Variants in CHRM3 observed in about 807,000 individuals in gnomAD.
CHRM3 encodes cholinergic receptor muscarinic 3.
A neutral mutation model predicts 41.8 loss-of-function variants in CHRM3; 11 were observed. That is an observed-to-expected ratio of 0.26 (90% CI 0.17 to 0.44). The LOEUF is 0.44. Ranked by LOEUF, CHRM3 falls within the 20% of genes least tolerant of loss-of-function variation. The pLI is 1.00. For synonymous variants in CHRM3, 297 were observed against 301.4 expected, an observed-to-expected ratio of 0.99 and a Z score of 0.15; for missense variants, 571 against 745.4, an observed-to-expected ratio of 0.77 and a Z score of 2.72.
At chr1:239,550,717 A>G (rs931430082) in intron 3 of CHRM3, among the ~76,000 whole-genome samples, 2 of 152,186 alleles carry the variant, frequency 1.3e-5, no homozygotes, top group Admixed American at 1.3e-4. Context: ...GAAAATGTGT[A>G]TCTGACTCTA....
At chr1:239,871,618 G>A (rs1041965840) in intron 6 of CHRM3, among the ~76,000 whole-genome samples, 13 of 152,178 alleles carry the variant, frequency 8.5e-5, no homozygotes, top group Admixed American at 4.6e-4. Context: ...AACACATGAT[G>A]AGTGACCTGT....
intron 1 of CHRM3, among the ~76,000 whole-genome samples, chr1:239,476,865 A>T (rs1200487864): frequency 6.6e-6 from 1 of 152,322 alleles, no homozygotes; most frequent in Non-Finnish European, 1.5e-5. Flanking sequence ...GTTAGGTGAC[A>T]AAATAATAAA....
chr1:239,852,421 A>C (rs1674770611), intron 6 of CHRM3, among the ~76,000 whole-genome samples: 1 of 152,126 alleles, frequency 6.6e-6, no homozygotes, highest in Non-Finnish European at 1.5e-5. Context: ...ATGCTTGTGC[A>C]TGTGTAATAA....
chr1:239,704,971 C>T (rs1387514704), intron 5 of CHRM3: 4 of 152,356 alleles, frequency 2.6e-5, no homozygotes, highest in African/African-American at 9.6e-5. Context: ...GAGGCCAAGA[C>T]AGGAGGATGA....
chr1:239,564,785 T>G (rs763783346), intron 3 of CHRM3, among the ~76,000 whole-genome samples: 18 of 152,208 alleles, frequency 1.2e-4, no homozygotes, highest in Non-Finnish European at 1.5e-4. Context: ...AAGATTCTCC[T>G]TGATCCTAAA....
In CHRM3 at chr1:239,641,206, C is replaced by A. The variant is rs557481256; in HGVS notation, c.-250+8920C>A. On this transcript the variant is annotated intron_variant, in intron 4 of 6. Coordinates refer to ENST00000676153, the MANE Select transcript of CHRM3 (RefSeq NM_001375978.1). ...CCAACTATGTGGTCAATTTTGGAAT[C>A]GGTGTGGTGCGGTGCTGAAAAAAAT... is the stretch of plus-strand genomic sequence containing the variant. 5.8e-3 allele frequency among the ~76,000 whole-genome samples: 885 copies of A among 152,088 alleles called. 6 individuals are homozygous for A. Among genetic ancestry groups the A allele is most frequent in the African/African-American group, 0.02 (836 of 41,442 alleles).
At chr1:239,489,383 A>G (rs1196747971) in intron 1 of CHRM3, among the ~76,000 whole-genome samples, 1 of 152,048 alleles carries the variant, frequency 6.6e-6, no homozygotes, top group Admixed American at 6.6e-5. Flanking sequence ...ATTGCACTCC[A>G]GCCTGGGCAA....
chr1:239,854,273 G>C (rs562705365), intron 6 of CHRM3, among the ~76,000 whole-genome samples: 61 of 152,144 alleles, frequency 4.0e-4, no homozygotes, highest in African/African-American at 1.5e-3. Context: ...GATGCTTCCA[G>C]ATTTACTTGT....
chr1:239,859,144 G>A (rs535784495), intron 6 of CHRM3, among the ~76,000 whole-genome samples: 48 of 152,108 alleles, frequency 3.2e-4, no homozygotes, highest in Non-Finnish European at 5.7e-4. Context: ...GTAATTCTAC[G>A]TTTAACCATT....
chr1:239,798,178 G>A (rs948479709), intron 5 of CHRM3, among the ~76,000 whole-genome samples: 1 of 152,086 alleles, frequency 6.6e-6, no homozygotes, highest in African/African-American at 2.4e-5. Flanking sequence ...TCTCCCTCCT[G>A]CTGTATTCTT....
intron 5 of CHRM3, among the ~76,000 whole-genome samples, chr1:239,738,564 G>A (rs929910366): frequency 6.6e-6 from 1 of 152,192 alleles, no homozygotes; most frequent in Non-Finnish European, 1.5e-5. Context: ...CTAGGAAAGT[G>A]TGACTGTCCT....
intron 6 of CHRM3, among the ~76,000 whole-genome samples, chr1:239,857,017 A>G (rs1212472651): frequency 6.6e-6 from 1 of 152,204 alleles, no homozygotes. Context: ...TGGCCAGTGA[A>G]TACTTGTATT....
chr1:239,841,425 T>C (rs1673788636), intron 6 of CHRM3, among the ~76,000 whole-genome samples: 2 of 152,166 alleles, frequency 1.3e-5, no homozygotes, highest in Non-Finnish European at 2.9e-5. Flanking sequence ...TAGAGTTTCA[T>C]TGTGTGCAGA....
chr1:239,415,907 G>C (rs996415554), intron 1 of CHRM3, among the ~76,000 whole-genome samples: 4 of 152,166 alleles, frequency 2.6e-5, no homozygotes, highest in African/African-American at 9.7e-5. Flanking sequence ...ACAGGCAGAA[G>C]TGCTTAATTT....
At chr1:239,477,382 T>C (rs1666537181) in intron 1 of CHRM3, among the ~76,000 whole-genome samples, 2 of 152,186 alleles carry the variant, frequency 1.3e-5, no homozygotes, top group African/African-American at 4.8e-5. Context: ...AGAAGGTTTT[T>C]CTAACAACGA....
Position 239,580,732 on chromosome 1 carries a change from CAA to C in CHRM3, c.-313+34984_-313+34985del, listed in dbSNP as rs1491582639. On this transcript the variant is annotated intron_variant, in intron 3 of 6. Transcript: ENST00000676153. ...ACACACACACACACACACACACACACAAGTGCATATATATATACAGTGTGTGT... is the reference window on the plus strand; with the variant it reads ...ACACACACACACACACACACACACACGTGCATATATATATACAGTGTGTGT... 8.8e-4 allele frequency among the ~76,000 whole-genome samples: 116 copies of C among 131,300 alleles called. 1 individual carries two copies. The highest frequency in any genetic ancestry group is 2.6e-3 in the African/African-American group (96 of 36,652). 86.1% of individuals were successfully genotyped at this position (131,300 alleles called of 152,430 possible). A position where few individuals can be genotyped will look rare whatever the true frequency, so the allele number is the denominator to read the frequency against.
At chr1:239,479,950 ATAAAG>A (rs1236478432) in intron 1 of CHRM3, among the ~76,000 whole-genome samples, 1 of 152,176 alleles carries the variant, frequency 6.6e-6, no homozygotes, top group Non-Finnish European at 1.5e-5. Flanking sequence ...TATTTTAAAA[ATAAAG>A]TAATTGTGCT....
intron 5 of CHRM3, among the ~76,000 whole-genome samples, chr1:239,701,906 A>T (rs1660722967): frequency 2.0e-5 from 3 of 152,146 alleles, no homozygotes; most frequent in African/African-American, 4.8e-5. Context: ...TAAAGGCCAG[A>T]TTTCAACCTC....
chr1:239,829,155 GT>G (rs902294882), intron 6 of CHRM3, among the ~76,000 whole-genome samples: 6 of 152,326 alleles, frequency 3.9e-5, no homozygotes, highest in Non-Finnish European at 8.8e-5. Flanking sequence ...CTGTGGCGAA[GT>G]GGATTGTTTA....
Sources: gnomAD v4.1 joint callset for allele counts (sites outside exome capture counted in the v4.1 genomes callset) on GRCh38, gnomAD v4.1.1 for gene constraint, MANE v1.5 for transcripts, NCBI Gene and HGNC (gene_info 2026-07-23, HGNC 2026-07-21) for gene names.